The following SHISA6 variants were observed in gnomAD, a reference collection of about 807,000 sequenced individuals.
SHISA6 encodes the protein protein shisa-6.
Under a neutral mutation model 47.9 loss-of-function variants are expected in SHISA6, and 22 were observed. That is an observed-to-expected ratio of 0.46 (90% CI 0.33 to 0.66). The LOEUF (loss-of-function observed/expected upper bound fraction) is 0.66, where lower values mean the gene tolerates loss of function less well. Ranked by LOEUF, SHISA6 falls within the 30% of genes least tolerant of loss-of-function variation. The probability of loss-of-function intolerance (pLI) is 0.02; values close to 1 mark genes in which losing one functional copy is unlikely to be tolerated. For missense variants in SHISA6, 680 were observed against 764.6 expected, an observed-to-expected ratio of 0.89 and a Z score of 1.30; for synonymous variants, 388 against 337.8, an observed-to-expected ratio of 1.15 and a Z score of -1.63.
At chr17:11,268,719 C>T (rs1908524411) in intron 2 of SHISA6, among the ~76,000 whole-genome samples, 1 of 152,200 alleles carries the variant, frequency 6.6e-6, no homozygotes, top group African/African-American at 2.4e-5. Context: ...CCCAGGTACA[C>T]AAGGGTTTTA....
chr17:11,558,338 C>T lies in SHISA6; in HGVS notation c.*34C>T. On this transcript the variant is annotated 3_prime_UTR_variant, in exon 6 of 6. Transcript: ENST00000441885. ...GCAGGGCCGGGGCTGCTGGGCGTGGCAGAGCAGAGCGGGGGCCGGGAGGGG... is the reference window on the plus strand; with the variant it reads ...GCAGGGCCGGGGCTGCTGGGCGTGGTAGAGCAGAGCGGGGGCCGGGAGGGG... 6.6e-7 allele frequency: 1 copy of T among 1,524,218 alleles called. No homozygotes were observed. Among genetic ancestry groups the T allele is most frequent in the East Asian group, 2.5e-5 (1 of 40,752 alleles). 94.4% of individuals were successfully genotyped at this position (1,524,218 alleles called of 1,614,324 possible).
chr17:11,557,279 G>A (rs1034167772), intron 5 of SHISA6, among the ~76,000 whole-genome samples: 1 of 152,208 alleles, frequency 6.6e-6, no homozygotes, highest in Non-Finnish European at 1.5e-5. Context: ...AGCTTCAAGA[G>A]CTGCTATTTG....
chr17:11,363,489 T>A (rs1027941274), intron 2 of SHISA6, among the ~76,000 whole-genome samples: 1 of 152,204 alleles, frequency 6.6e-6, no homozygotes, highest in African/African-American at 2.4e-5. Flanking sequence ...TAAATATTGG[T>A]GGTTTCTAAT....
chr17:11,522,961 A>G (rs2071643395), intron 3 of SHISA6, among the ~76,000 whole-genome samples: 1 of 152,190 alleles, frequency 6.6e-6, no homozygotes, highest in Non-Finnish European at 1.5e-5. Context: ...CTATCTCCAG[A>G]GCTGCTTTTC....
intron 2 of SHISA6, among the ~76,000 whole-genome samples, chr17:11,270,739 C>T (rs368880012): frequency 2.0e-5 from 3 of 152,302 alleles, no homozygotes; most frequent in African/African-American, 7.2e-5. Flanking sequence ...CCTGTGGGCT[C>T]TAGTTTGTCA....
chr17:11,417,853 A>G (rs1914329222), intron 3 of SHISA6, among the ~76,000 whole-genome samples: 1 of 152,226 alleles, frequency 6.6e-6, no homozygotes, highest in Non-Finnish European at 1.5e-5. Context: ...GATCTAGGAA[A>G]ATGCTTAGTC....
chr17:11,374,786 A>G (rs1248238600), intron 2 of SHISA6, among the ~76,000 whole-genome samples: 2 of 151,962 alleles, frequency 1.3e-5, no homozygotes, highest in African/African-American at 4.8e-5. Flanking sequence ...TACTTAAGTA[A>G]TACTAGTACT....
intron 3 of SHISA6, among the ~76,000 whole-genome samples, chr17:11,432,261 CTT>C (rs1361096557): frequency 1.3e-5 from 2 of 152,164 alleles, no homozygotes; most frequent in Middle Eastern, 3.2e-3. Context: ...TGGCCATGAG[CTT>C]TTCTCTTGCA....
At chr17:11,372,370 G>T (rs1912655409) in intron 2 of SHISA6, among the ~76,000 whole-genome samples, 1 of 152,196 alleles carries the variant, frequency 6.6e-6, no homozygotes, top group Non-Finnish European at 1.5e-5. Flanking sequence ...TGGGAATGAG[G>T]TGCCCATTCT....
In SHISA6 at chr17:11,368,472, A is replaced by G. The variant is rs867009945; in HGVS notation, c.800-10942A>G. 2.6e-5 allele frequency among the ~76,000 whole-genome samples: 4 copies of G among 152,106 alleles called. No homozygotes were observed. In the South Asian group the frequency reaches 8.3e-4, roughly 32 times the overall value. On this transcript the variant is annotated intron_variant, in intron 2 of 5. Coordinates refer to ENST00000441885, the MANE Select transcript of SHISA6 (RefSeq NM_207386.4). ...TTCCTGGAGCTTTGAATAATTTTGG[A>G]CTTAAGACTCTTCCTTGACTTTCTC...
rs34453181 is a variant in SHISA6, at chr17:11,379,016, G to A, written c.800-398G>A. ...CAGCCAGAAATGCCAAAATCAAGCC[G>A]TGTATCTCGTTTGTTCTCCTATACT... On this transcript the variant is annotated intron_variant, in intron 2 of 5. Transcript: ENST00000441885. Among the ~76,000 whole-genome samples, 865 of 151,936 alleles carry A rather than the reference G, an allele frequency of 5.7e-3. 6 individuals carry two copies. The highest frequency in any genetic ancestry group is 0.02 in the African/African-American group (810 of 41,460).
intron 3 of SHISA6, among the ~76,000 whole-genome samples, chr17:11,463,696 C>G (rs1004633009): frequency 1.3e-5 from 2 of 152,154 alleles, no homozygotes; most frequent in Non-Finnish European, 2.9e-5. Flanking sequence ...TTCATGTCTA[C>G]TAGGTTCTTA....
chr17:11,433,008 A>G (rs943097181), intron 3 of SHISA6, among the ~76,000 whole-genome samples: 5 of 152,250 alleles, frequency 3.3e-5, no homozygotes, highest in Non-Finnish European at 7.3e-5. Context: ...GTGAATACAC[A>G]AAAAACCATT....
chr17:11,442,317 C>T lies in SHISA6; in HGVS notation c.895+62808C>T, dbSNP rs367964900. On this transcript the variant is annotated intron_variant, in intron 3 of 5. Coordinates refer to ENST00000441885, the MANE Select transcript of SHISA6 (RefSeq NM_207386.4). ...AGCACCTGATCCTTTTGGGTCTACC[C>T]GCCAATCGAGACCCTTAGGTTTCTG... Among the ~76,000 whole-genome samples, 24 of 121,918 alleles carry T rather than the reference C, an allele frequency of 2.0e-4. No homozygotes were observed. The South Asian group carries it at 4.9e-3, about 25-fold the overall frequency. The allele number at this position is 121,918 out of a possible 152,430, so 80.0% of individuals were successfully genotyped here.
intron 3 of SHISA6, among the ~76,000 whole-genome samples, chr17:11,495,648 C>T (rs2071401963): frequency 6.6e-6 from 1 of 152,198 alleles, no homozygotes. Flanking sequence ...CTGGCAGTGA[C>T]ATGAAAACAG....
At chr17:11,552,571 G>A (rs2071940635) in intron 4 of SHISA6, among the ~76,000 whole-genome samples, 1 of 152,190 alleles carries the variant, frequency 6.6e-6, no homozygotes, top group South Asian at 2.1e-4. Flanking sequence ...ACATAAGACA[G>A]CCACATAAAT....
intron 2 of SHISA6, among the ~76,000 whole-genome samples, chr17:11,302,282 T>G (rs1193231643): frequency 6.6e-6 from 1 of 152,156 alleles, no homozygotes; most frequent in African/African-American, 2.4e-5. Flanking sequence ...CAGCAAAATT[T>G]GAGGAGTTGT....
intron 3 of SHISA6, among the ~76,000 whole-genome samples, chr17:11,515,366 G>GGAAGGAAGGAAGGT (rs1567626495): frequency 1.7e-4 from 22 of 127,758 alleles, no homozygotes; most frequent in African/African-American, 6.5e-4. Flanking sequence ...GGAAGGAAGG[G>GGAAGGAAGGAAGGT]AGAGAAAATG....
At chr17:11,285,531 T>C (rs1341740132) in intron 2 of SHISA6, among the ~76,000 whole-genome samples, 1 of 152,216 alleles carries the variant, frequency 6.6e-6, no homozygotes, top group African/African-American at 2.4e-5. Context: ...TGAATCCTAC[T>C]GACAGTTTGG....
Sources: allele counts gnomAD v4.1 joint callset (sites outside exome capture counted in the v4.1 genomes callset), GRCh38; gene constraint gnomAD v4.1.1; transcripts MANE v1.5; gene names NCBI Gene and HGNC (gene_info 2026-07-23, HGNC 2026-07-21).